Variants in MBNL2 observed in about 807,000 individuals in gnomAD.
MBNL2 encodes the protein muscleblind-like protein 2.
Under a neutral mutation model 41.9 loss-of-function variants are expected in MBNL2, and 17 were observed. The ratio of observed to expected loss-of-function variants is 0.41; its 90% CI spans 0.28 to 0.61. The LOEUF (loss-of-function observed/expected upper bound fraction) is 0.61, where lower values mean the gene tolerates loss of function less well. Ranked by LOEUF, MBNL2 falls within the 20% of genes least tolerant of loss-of-function variation. The probability of loss-of-function intolerance (pLI) is 0.35; values close to 1 mark genes in which losing one functional copy is unlikely to be tolerated. For missense variants in MBNL2, 336 were observed against 505.6 expected (o/e 0.66, Z 3.22); for synonymous variants, 195 against 182.9 (o/e 1.07, Z -0.53).
chr13:97,193,142 G>T, the MBNL2 span, among the ~76,000 whole-genome samples: 1 of 152,222 alleles, frequency 6.6e-6, no homozygotes, highest in Non-Finnish European at 1.5e-5. Flanking sequence ...ACTTAATGTA[G>T]GTTGTCAGGA....
chr13:97,321,883 C>G (rs1157027838), intron 2 of MBNL2, among the ~76,000 whole-genome samples: 3 of 152,194 alleles, frequency 2.0e-5, no homozygotes, highest in Non-Finnish European at 4.4e-5. Context: ...TTATCTCCCC[C>G]TCTCTGTGCC....
chr13:97,149,928 T>A, the MBNL2 span, among the ~76,000 whole-genome samples: 1 of 152,198 alleles, frequency 6.6e-6, no homozygotes, highest in Non-Finnish European at 1.5e-5. Context: ...ATTGAATGAT[T>A]GGCCTAAAAC....
chr13:97,242,960 T>A (rs895839501), intron 1 of MBNL2, among the ~76,000 whole-genome samples: 1 of 152,148 alleles, frequency 6.6e-6, no homozygotes, highest in Non-Finnish European at 1.5e-5. Context: ...CGGCAGTCCC[T>A]CCCCTCCACT....
At chr13:97,254,417 G>A (rs993886952) in intron 1 of MBNL2, among the ~76,000 whole-genome samples, 2 of 152,094 alleles carry the variant, frequency 1.3e-5, no homozygotes, top group Admixed American at 1.3e-4. Flanking sequence ...TGATTGAAAA[G>A]TATTTATCAA....
intron 2 of MBNL2, among the ~76,000 whole-genome samples, chr13:97,287,918 GTTTTTTTTTTGT>G (rs1269686420): frequency 8.0e-6 from 1 of 124,630 alleles, no homozygotes; most frequent in Admixed American, 8.0e-5. Context: ...CTAATTTTCT[GTTTTTTTTTTGT>G]TTTGTTTTGT....
chr13:97,387,514 C>T (rs557044519), intron 8 of MBNL2, among the ~76,000 whole-genome samples: 11 of 152,294 alleles, frequency 7.2e-5, no homozygotes, highest in African/African-American at 1.9e-4. Context: ...CCCAGGGCCT[C>T]GCCTTCCCCT....
intron 2 of MBNL2, among the ~76,000 whole-genome samples, chr13:97,290,114 T>C (rs2055523670): frequency 6.6e-6 from 1 of 152,222 alleles, no homozygotes; most frequent in South Asian, 2.1e-4. Context: ...AGTTCTGGTT[T>C]GGAGCCACCC....
At position 97,297,632 on chromosome 13, in the gene MBNL2, C is replaced by A. The variant is rs149308316; in HGVS notation, c.174+21223C>A. Among the ~76,000 whole-genome samples, 739 of 152,216 alleles carry A rather than the reference C, an allele frequency of 4.9e-3. 3 individuals are homozygous for A. The highest frequency in any genetic ancestry group is 0.017 in the African/African-American group (714 of 41,510). The stretch of plus-strand genomic sequence containing the variant: ...TGTTTCCCTGCTAGATCATTATCTG[C>A]CAAAAAAGTATCCCCAGCCAAGACG... On this transcript the variant is annotated intron_variant, in intron 2 of 8. Transcript: ENST00000679496.
At chr13:97,390,436 A>C (rs1411353318) in intron 8 of MBNL2, among the ~76,000 whole-genome samples, 1 of 152,228 alleles carries the variant, frequency 6.6e-6, no homozygotes, top group Non-Finnish European at 1.5e-5. Flanking sequence ...TTCCTAACAG[A>C]CTCTTGTTTA....
At chr13:97,367,988 C>G (rs1177262000) in intron 8 of MBNL2, among the ~76,000 whole-genome samples, 1 of 152,176 alleles carries the variant, frequency 6.6e-6, no homozygotes, top group Non-Finnish European at 1.5e-5. Flanking sequence ...AGGTCCAAAG[C>G]TCTTCTCAAT....
At chr13:97,202,501 C>T in the MBNL2 span, among the ~76,000 whole-genome samples, 1 of 152,160 alleles carries the variant, frequency 6.6e-6, no homozygotes, top group Non-Finnish European at 1.5e-5. Flanking sequence ...AGAATAGCCC[C>T]TAGCACATTC....
intron 1 of MBNL2, among the ~76,000 whole-genome samples, chr13:97,261,395 A>G (rs1594110529): frequency 6.6e-6 from 1 of 151,586 alleles, no homozygotes; most frequent in South Asian, 2.1e-4. Flanking sequence ...CCTTTTATCC[A>G]CCTCCTCAAC....
intron 8 of MBNL2, 121 bp downstream of exon 8, chr13:97,365,292 CT>C (rs1483811662): frequency 1.3e-6 from 1 of 760,822 alleles, no homozygotes; most frequent in Non-Finnish European, 2.4e-6. Context: ...GCTTATTTGG[CT>C]TTAGAGTTAA....
At position 97,373,605 on chromosome 13, in the gene MBNL2, AAT is replaced by A. The variant is rs35049420; in HGVS notation, c.1048+8453_1048+8454del. ...ATCCAGACTTACTTAGTATGCTAAA[AAT>A]ATATATATATATATATATTAAGGGT... On this transcript the variant is annotated intron_variant, in intron 8 of 8. Transcript: ENST00000679496. 3.0e-3 allele frequency among the ~76,000 whole-genome samples: 439 copies of A among 145,290 alleles called. 2 individuals are homozygous for A. Among genetic ancestry groups the A allele is most frequent in the African/African-American group, 6.7e-3 (266 of 39,520 alleles).
chr13:97,239,488 C>T (rs2043878985), intron 1 of MBNL2, among the ~76,000 whole-genome samples: 1 of 152,178 alleles, frequency 6.6e-6, no homozygotes, highest in Non-Finnish European at 1.5e-5. Context: ...AGTCCATCAT[C>T]TATACAAATA....
Position 97,316,356 on chromosome 13 carries a change from G to A in MBNL2, c.175-17920G>A, listed in dbSNP as rs115585197. Among the ~76,000 whole-genome samples, 789 of 152,224 alleles carry A rather than the reference G, an allele frequency of 5.2e-3. 6 individuals are homozygous for A. Among genetic ancestry groups the A allele is most frequent in the African/African-American group, 0.018 (754 of 41,524 alleles). Reference sequence around the variant, plus strand: ...TCCTGATGCCACCTCTGGCCCCTTCGGTCCATTCTCACACAGTAGCCAGAG... The same window carrying A: ...TCCTGATGCCACCTCTGGCCCCTTCAGTCCATTCTCACACAGTAGCCAGAG... On this transcript the variant is annotated intron_variant, in intron 2 of 8. Coordinates refer to ENST00000679496, the MANE Select transcript of MBNL2 (RefSeq NM_001382683.1).
chr13:97,249,837 A>T (rs1566366109), intron 1 of MBNL2, among the ~76,000 whole-genome samples: 2 of 152,144 alleles, frequency 1.3e-5, no homozygotes, highest in Admixed American at 6.5e-5. Flanking sequence ...CTATAGACAT[A>T]TTTCTATTGG....
At chr13:97,383,343 C>T (rs1209288599) in intron 8 of MBNL2, among the ~76,000 whole-genome samples, 1 of 152,160 alleles carries the variant, frequency 6.6e-6, no homozygotes, top group Non-Finnish European at 1.5e-5. Flanking sequence ...TGAGCATTCC[C>T]GTTTATGAAT....
intron 1 of MBNL2, among the ~76,000 whole-genome samples, chr13:97,223,669 G>T (rs540841625): frequency 1.2e-4 from 18 of 152,282 alleles, no homozygotes; most frequent in African/African-American, 4.1e-4. Flanking sequence ...TGTGTGTTTT[G>T]GGGACAATAA....
Sources: gnomAD v4.1 joint callset for allele counts (sites outside exome capture counted in the v4.1 genomes callset) on GRCh38, gnomAD v4.1.1 for gene constraint, MANE v1.5 for transcripts, NCBI Gene and HGNC (gene_info 2026-07-23, HGNC 2026-07-21) for gene names.